The following FAF1 variants were observed in gnomAD, a reference collection of about 807,000 sequenced individuals.
FAF1 encodes the protein Fas associated factor 1.
In FAF1, 25 loss-of-function variants were observed where a neutral mutation model predicts 92.5. The ratio of observed to expected loss-of-function variants is 0.27; its 90% CI spans 0.20 to 0.38. The LOEUF (loss-of-function observed/expected upper bound fraction) is 0.38, where lower values mean the gene tolerates loss of function less well. FAF1 is among the 10% of genes least tolerant of loss of function. The pLI, the probability that FAF1 is intolerant of heterozygous loss-of-function variation, is 1.00. For missense variants in FAF1, 636 were observed against 793.3 expected, an observed-to-expected ratio of 0.80 and a Z score of 2.38; for synonymous variants, 234 against 273.2, an observed-to-expected ratio of 0.86 and a Z score of 1.42.
intron 4 of FAF1, among the ~76,000 whole-genome samples, chr1:50,746,269 TATATATATATATATATATATATA>T (rs1417625437): frequency 0.12 from 2,646 of 21,404 alleles, 109 homozygotes; most frequent in Non-Finnish European, 0.15. Flanking sequence ...TATATATATA[TATATATATATATATATATATATA>T]TTTTTTTTTT....
chr1:50,884,682 T>C (rs1457784811), intron 1 of FAF1, among the ~76,000 whole-genome samples: 1 of 152,224 alleles, frequency 6.6e-6, no homozygotes, highest in East Asian at 1.9e-4. Flanking sequence ...TGAGGATTTC[T>C]GTATCAGTAT....
chr1:50,909,092 T>C (rs140468540), intron 1 of FAF1, among the ~76,000 whole-genome samples: 10,105 of 152,248 alleles, frequency 0.066, 411 homozygotes, highest in East Asian at 0.094. Context: ...TCTCTCAGCA[T>C]TTGCTTGTCT....
At chr1:50,607,600 A>G (rs1652487635) in intron 8 of FAF1, among the ~76,000 whole-genome samples, 1 of 152,024 alleles carries the variant, frequency 6.6e-6, no homozygotes, top group Non-Finnish European at 1.5e-5. Flanking sequence ...ATTCTTTTCC[A>G]TCTGTCTATT....
At chr1:50,788,370 C>A (rs1050944199) in intron 3 of FAF1, among the ~76,000 whole-genome samples, 165 bp from the exon 4 acceptor site, 1 of 152,190 alleles carries the variant, frequency 6.6e-6, no homozygotes, top group Non-Finnish European at 1.5e-5. Context: ...AAAATCTTTC[C>A]CATTGACTGA....
chr1:50,732,115 C>T lies in FAF1; in HGVS notation c.551+6748G>A, dbSNP rs566876616. Among the ~76,000 whole-genome samples the T allele has an allele frequency of 6.6e-5, 10 of 152,190 alleles. No individual in the cohort carries two copies. In the South Asian group the frequency reaches 1.9e-3, roughly 29 times the overall value. Reference sequence around the variant, plus strand: ...TTTGAGACAGAGTCTGGCTCTGTCGCCCAGGCTGGAGTGCAATAGCCCGAT... The same window carrying T: ...TTTGAGACAGAGTCTGGCTCTGTCGTCCAGGCTGGAGTGCAATAGCCCGAT... On this transcript the variant is annotated intron_variant, in intron 6 of 18. Transcript: ENST00000396153.
intron 4 of FAF1, among the ~76,000 whole-genome samples, chr1:50,754,957 A>C (rs1003448410): frequency 6.6e-6 from 1 of 152,048 alleles, no homozygotes. Flanking sequence ...CCATGACTCA[A>C]TTACCTCCCA....
chr1:50,703,388 C>T (rs1484878373), intron 7 of FAF1, among the ~76,000 whole-genome samples: 1 of 152,060 alleles, frequency 6.6e-6, no homozygotes, highest in Non-Finnish European at 1.5e-5. Context: ...CTACCCCCTC[C>T]ATCACAGGTG....
intron 18 of FAF1, among the ~76,000 whole-genome samples, chr1:50,472,629 A>G (rs1255089010): frequency 1.3e-5 from 2 of 152,284 alleles, no homozygotes; most frequent in South Asian, 2.1e-4. Context: ...TGGGAGGTAC[A>G]GAAGAACACT....
At chr1:50,843,107 T>G (rs1389074916) in intron 2 of FAF1, among the ~76,000 whole-genome samples, 2 of 152,192 alleles carry the variant, frequency 1.3e-5, no homozygotes, top group Non-Finnish European at 2.9e-5. Context: ...TGTTATCGAA[T>G]GCCAATTACC....
intron 8 of FAF1, among the ~76,000 whole-genome samples, chr1:50,598,574 T>A (rs756915953): frequency 6.6e-6 from 1 of 151,674 alleles, no homozygotes; most frequent in Non-Finnish European, 1.5e-5. Context: ...ACTTGCTACA[T>A]AGTAGATATT....
intron 1 of FAF1, among the ~76,000 whole-genome samples, chr1:50,941,720 T>C (rs950833035): frequency 6.6e-6 from 1 of 152,166 alleles, no homozygotes; most frequent in Admixed American, 6.6e-5. Context: ...ATTAATAATT[T>C]TTCCACAACT....
At chr1:50,478,280 C>T (rs1646662399) in intron 17 of FAF1, among the ~76,000 whole-genome samples, 3 of 152,130 alleles carry the variant, frequency 2.0e-5, no homozygotes, top group South Asian at 4.2e-4. Context: ...TCTCCCACCT[C>T]AGCCTCCCGA....
At chr1:50,791,382 G>C (rs1311121324) in intron 3 of FAF1, among the ~76,000 whole-genome samples, 1 of 152,092 alleles carries the variant, frequency 6.6e-6, no homozygotes, top group East Asian at 1.9e-4. Context: ...GTGATGCTGG[G>C]GCCAGTATTC....
intron 7 of FAF1, among the ~76,000 whole-genome samples, chr1:50,703,082 C>A (rs1657540003): frequency 6.6e-6 from 1 of 151,698 alleles, no homozygotes; most frequent in Admixed American, 6.6e-5. Context: ...TCCTTTCCCT[C>A]AATTATATTA....
intron 13 of FAF1, among the ~76,000 whole-genome samples, chr1:50,541,331 T>C (rs1034972554): frequency 6.6e-6 from 1 of 152,182 alleles, no homozygotes; most frequent in African/African-American, 2.4e-5. Context: ...CCAGACCTCA[T>C]GGCAATTTCA....
At chr1:50,764,687 T>C (rs1222743677) in intron 4 of FAF1, among the ~76,000 whole-genome samples, 1 of 152,204 alleles carries the variant, frequency 6.6e-6, no homozygotes, top group African/African-American at 2.4e-5. Context: ...ATATATTTTC[T>C]CCAGCTTTCC....
At chr1:50,758,640 C>A (rs752505885) in intron 4 of FAF1, among the ~76,000 whole-genome samples, 2 of 152,146 alleles carry the variant, frequency 1.3e-5, no homozygotes, top group Non-Finnish European at 2.9e-5. Flanking sequence ...AATCTTCCAT[C>A]TGTTATCGTT....
At chr1:50,655,608 A>G (rs1655072005) in intron 7 of FAF1, 80 bp from the exon 8 acceptor site, 4 of 827,384 alleles carry the variant, frequency 4.8e-6, no homozygotes, top group Admixed American at 5.5e-5. Context: ...TGAGACATAC[A>G]GTGTATTTCT....
intron 13 of FAF1, among the ~76,000 whole-genome samples, chr1:50,564,103 G>A (rs1354444569): frequency 6.6e-6 from 1 of 152,134 alleles, no homozygotes; most frequent in Admixed American, 6.5e-5. Context: ...GAGATCCACA[G>A]TATACTGTGA....
Sources: allele counts gnomAD v4.1 joint callset (sites outside exome capture counted in the v4.1 genomes callset), GRCh38; gene constraint gnomAD v4.1.1; transcripts MANE v1.5; gene names NCBI Gene and HGNC (gene_info 2026-07-23, HGNC 2026-07-21).